The following SLC35F2 variants were observed in gnomAD, a reference collection of about 807,000 sequenced individuals.
SLC35F2 encodes queuine/queuosine transporter SLC35F2.
A neutral mutation model predicts 38.1 loss-of-function variants in SLC35F2; 25 were observed. The observed-to-expected ratio is 0.66, with a 90% CI of 0.48 to 0.92. The LOEUF is 0.92. Among genes scored for constraint, SLC35F2 ranks in the 40% least tolerant of loss-of-function variants. The pLI, the probability that SLC35F2 is intolerant of heterozygous loss-of-function variation, is 0.00. For synonymous variants in SLC35F2, 173 were observed against 181.7 expected (o/e 0.95, Z 0.38); for missense variants, 409 against 452.9 (o/e 0.90, Z 0.88).
intron 7 of SLC35F2, among the ~76,000 whole-genome samples, chr11:107,794,809 A>C (rs979907615): frequency 6.6e-6 from 1 of 152,216 alleles, no homozygotes; most frequent in Non-Finnish European, 1.5e-5. Flanking sequence ...AAAAACCTAA[A>C]GATGCCACAA....
intron 1 of SLC35F2, among the ~76,000 whole-genome samples, chr11:107,820,512 GCA>G (rs1347144031): frequency 6.6e-6 from 1 of 152,068 alleles, no homozygotes; most frequent in Non-Finnish European, 1.5e-5. Context: ...CCCTCCTACA[GCA>G]CACAGTCTTG....
intron 1 of SLC35F2, among the ~76,000 whole-genome samples, chr11:107,851,728 T>C (rs985034881): frequency 6.6e-6 from 1 of 152,086 alleles, no homozygotes; most frequent in Non-Finnish European, 1.5e-5. Flanking sequence ...TAGATATGAT[T>C]CCTGACTCCT....
In SLC35F2 at chr11:107,793,183, C is replaced by T. The variant is rs80277224; in HGVS notation, c.940-383G>A. ...CCGCCCGCCTCAGGCTCCCAAAGTG[C>T]GGGGGATTACAGGCGTGGGCCGCCA... On this transcript the variant is annotated intron_variant, in intron 7 of 7. Transcript: ENST00000525815. Among the ~76,000 whole-genome samples the T allele has an allele frequency of 8.9e-3, 1,361 of 152,290 alleles. 16 individuals are homozygous for T. The highest frequency in any genetic ancestry group is 0.03 in the African/African-American group (1,242 of 41,570).
rs1202580532 is a variant in SLC35F2 at position 107,843,880 on chromosome 11, T to A, written c.110+14778A>T. ...AAAAAAAAAAAAAAATATATATATATATATATATATATATATATATATATA... is the reference window on the plus strand; with the variant it reads ...AAAAAAAAAAAAAAATATATATATAAATATATATATATATATATATATATA... On this transcript the variant is annotated intron_variant, in intron 1 of 7. Transcript: ENST00000525815. Among the ~76,000 whole-genome samples the A allele has an allele frequency of 7.5e-3, 307 of 40,674 alleles. 1 individual carries two copies. The highest frequency in any genetic ancestry group is 0.033 in the South Asian group (31 of 946). 26.7% of individuals were successfully genotyped at this position (40,674 alleles called of 152,430 possible). A position where few individuals can be genotyped will look rare whatever the true frequency, so the allele number is the denominator to read the frequency against.
In SLC35F2 at chr11:107,819,255, G is replaced by T. The variant is rs191029468; in HGVS notation, c.111-3290C>A. Reference sequence around the variant, plus strand: ...GAGCATCTTCAGTTTCGTTTTCCTAGATTGCTCTCCAAAGGGTTATATTAC... The same window carrying T: ...GAGCATCTTCAGTTTCGTTTTCCTATATTGCTCTCCAAAGGGTTATATTAC... On this transcript the variant is annotated intron_variant, in intron 1 of 7. Coordinates refer to ENST00000525815, the MANE Select transcript of SLC35F2 (RefSeq NM_017515.5). Among the ~76,000 whole-genome samples, 329 of 152,298 alleles carry T rather than the reference G, an allele frequency of 2.2e-3. 1 individual carries two copies. The highest frequency in any genetic ancestry group is 3.8e-3 in the Non-Finnish European group (257 of 68,028).
At position 107,811,705 on chromosome 11, in the gene SLC35F2, C is replaced by T. The variant is rs758343389; in HGVS notation, c.376G>A (p.Val126Ile). 4.1e-5 allele frequency: 66 copies of T among 1,613,968 alleles called. No individual in the cohort carries two copies. The highest frequency in any genetic ancestry group is 4.0e-5 in the Non-Finnish European group (47 of 1,179,898). The stretch of plus-strand genomic sequence containing the variant: ...AGAGTTGTGTACTGGTAGGCTCTGA[C>T]GATCACATAATTAGCTTCCACATCT... ...LADVEANYVIVRAYQYTTLTS... is the reference protein window; with the variant it reads ...LADVEANYVIIRAYQYTTLTS... The change falls in exon 3 of 8, where the codon GTC becomes ATC. Residue 126 changes from valine (V) to isoleucine (I), a missense_variant. By Grantham distance (29) the Val-to-Ile change is conservative. Coordinates refer to ENST00000525815, the MANE Select transcript of SLC35F2 (RefSeq NM_017515.5).
intron 3 of SLC35F2, chr11:107,811,296 A>G: frequency 1.0e-6 from 1 of 972,006 alleles, no homozygotes; most frequent in Non-Finnish European, 1.2e-6. Flanking sequence ...ATGAATATCT[A>G]CTATGCTTGC....
intron 1 of SLC35F2, 148 bp downstream of exon 1, chr11:107,858,510 G>T: frequency 1.7e-6 from 1 of 605,792 alleles, no homozygotes; most frequent in Non-Finnish European, 2.5e-6. Flanking sequence ...CCTGGTGTGC[G>T]TGTTGAGCCC....
chr11:107,813,213 G>A (rs958709482), intron 2 of SLC35F2, among the ~76,000 whole-genome samples: 3 of 152,184 alleles, frequency 2.0e-5, no homozygotes, highest in Admixed American at 2.0e-4. Flanking sequence ...GGGAGGCTGA[G>A]GTGGGCAGAT....
At chr11:107,797,983 TTTTTA>T (rs549832363) in intron 7 of SLC35F2, among the ~76,000 whole-genome samples, 167 of 131,734 alleles carry the variant, frequency 1.3e-3, no homozygotes, top group African/African-American at 3.9e-3. Context: ...AAGTTGGTAT[TTTTTA>T]TTTTTTTTTG....
intron 1 of SLC35F2, among the ~76,000 whole-genome samples, chr11:107,821,911 T>C (rs1336741375): frequency 6.6e-6 from 1 of 152,122 alleles, no homozygotes; most frequent in African/African-American, 2.4e-5. Context: ...TCCAACCACA[T>C]TACTATTAGA....
chr11:107,827,374 C>T (rs572625712), intron 1 of SLC35F2, among the ~76,000 whole-genome samples: 1 of 149,888 alleles, frequency 6.7e-6, no homozygotes, highest in Non-Finnish European at 1.5e-5. Context: ...CAGCACTTTG[C>T]GAGGCCAAGG....
At chr11:107,823,498 C>T (rs771546552) in intron 1 of SLC35F2, among the ~76,000 whole-genome samples, 3 of 152,108 alleles carry the variant, frequency 2.0e-5, no homozygotes, top group East Asian at 1.9e-4. Flanking sequence ...ACTTCCAGTA[C>T]GTCTATAAAA....
intron 1 of SLC35F2, among the ~76,000 whole-genome samples, chr11:107,850,750 G>A (rs940369809): frequency 1.3e-5 from 2 of 151,088 alleles, no homozygotes; most frequent in East Asian, 2.0e-4. Flanking sequence ...TGAACCAAGA[G>A]GGGGAGGCTG....
chr11:107,819,522 T>G (rs1465894320), intron 1 of SLC35F2, among the ~76,000 whole-genome samples: 1 of 152,198 alleles, frequency 6.6e-6, no homozygotes, highest in Non-Finnish European at 1.5e-5. Context: ...CTCCTTCTCT[T>G]GTGCACACTT....
intron 1 of SLC35F2, among the ~76,000 whole-genome samples, chr11:107,855,859 T>A (rs1860270294): frequency 6.6e-6 from 1 of 150,712 alleles, no homozygotes. Flanking sequence ...ACGCTTATAA[T>A]CCCAGCACTT....
intron 1 of SLC35F2, chr11:107,821,471 G>A (rs762001202): frequency 1.0e-5 from 10 of 985,356 alleles, no homozygotes; most frequent in Non-Finnish European, 1.2e-5. Flanking sequence ...TGGCGGGGAG[G>A]GGGTAGGAAA....
At chr11:107,805,011 T>C in intron 5 of SLC35F2, 1 of 978,648 alleles carries the variant, frequency 1.0e-6, no homozygotes, top group Non-Finnish European at 1.2e-6. Flanking sequence ...AGGAGGAAAA[T>C]ATGATATTAT....
At chr11:107,824,902 T>C (rs1039924636) in intron 1 of SLC35F2, among the ~76,000 whole-genome samples, 4 of 152,204 alleles carry the variant, frequency 2.6e-5, no homozygotes, top group African/African-American at 9.6e-5. Flanking sequence ...GCTCTATATA[T>C]GCACCATCCA....
Sources: allele counts gnomAD v4.1 joint callset (sites outside exome capture counted in the v4.1 genomes callset), GRCh38; gene constraint gnomAD v4.1.1; transcripts MANE v1.5; gene names NCBI Gene and HGNC (gene_info 2026-07-23, HGNC 2026-07-21).